MAP7D2: variants seen among roughly 807,000 people sequenced by gnomAD.
MAP7D2 encodes MAP7 domain containing 2, also known as MAP7 domain-containing protein 2.
Under a neutral mutation model 63.5 loss-of-function variants are expected in MAP7D2, and 33 were observed. That is an observed-to-expected ratio of 0.52 (90% CI 0.39 to 0.70). The LOEUF is 0.70. Ranked by LOEUF, MAP7D2 falls within the 30% of genes least tolerant of loss-of-function variation. The probability of loss-of-function intolerance (pLI) is 0.00; values close to 1 mark genes in which losing one functional copy is unlikely to be tolerated. For missense variants in MAP7D2, 626 were observed against 604.0 expected (o/e 1.04, Z -0.38); for synonymous variants, 224 against 223.7 (o/e 1.00, Z -0.01).
intron 1 of MAP7D2, among the ~76,000 whole-genome samples, chrX:20,101,291 G>A (rs192696635): frequency 3.1e-3 from 348 of 112,326 alleles, no homozygotes; most frequent in Non-Finnish European, 5.1e-3. Flanking sequence ...ATCACAGAAT[G>A]GAACCTGTGT....
chrX:20,010,148 C>A (rs2073140779), intron 16 of MAP7D2, among the ~76,000 whole-genome samples: 1 of 112,108 alleles, frequency 8.9e-6, no homozygotes, highest in Admixed American at 9.5e-5. Context: ...ACTAAGTATA[C>A]CTTACTACAG....
At chrX:20,045,012 T>A (rs1335139668) in intron 6 of MAP7D2, among the ~76,000 whole-genome samples, 1 of 111,005 alleles carries the variant, frequency 9.0e-6, no homozygotes, top group Non-Finnish European at 1.9e-5. Context: ...CTTGTGGGAG[T>A]GTGGAATCTG....
At chrX:20,073,679 G>A (rs758730807) in intron 1 of MAP7D2, among the ~76,000 whole-genome samples, 16 of 106,831 alleles carry the variant, frequency 1.5e-4, no homozygotes, top group East Asian at 6.0e-4. Flanking sequence ...ACAGATGCCC[G>A]CCACCACGCC....
intron 6 of MAP7D2, among the ~76,000 whole-genome samples, chrX:20,047,386 T>G (rs1426307903): frequency 8.9e-6 from 1 of 112,048 alleles, no homozygotes; most frequent in Admixed American, 9.5e-5. Flanking sequence ...TGACACGGCG[T>G]CAGGCCTGGA....
chrX:20,030,918 C>T, intron 8 of MAP7D2, among the ~76,000 whole-genome samples: 1 of 111,988 alleles, frequency 8.9e-6, no homozygotes, highest in East Asian at 2.8e-4. Flanking sequence ...AAGAACACAA[C>T]CTGAATGCAA....
intron 1 of MAP7D2, among the ~76,000 whole-genome samples, chrX:20,094,898 C>T (rs2066215137): frequency 9.2e-6 from 1 of 108,443 alleles, no homozygotes; most frequent in Admixed American, 1.0e-4. Context: ...TGAAAGCTCC[C>T]TTCCTTGCAC....
At chrX:20,110,642 G>A (rs2148573626) in intron 1 of MAP7D2, among the ~76,000 whole-genome samples, 1 of 93,253 alleles carries the variant, frequency 1.1e-5, no homozygotes, top group African/African-American at 4.1e-5. Flanking sequence ...CAGCCTGGGT[G>A]ACAAAGTGAG....
intron 8 of MAP7D2, among the ~76,000 whole-genome samples, chrX:20,037,497 G>C (rs1198608403): frequency 1.8e-5 from 2 of 111,686 alleles, no homozygotes; most frequent in African/African-American, 6.5e-5. Context: ...GATGGCTGTG[G>C]ATGATATGCA....
At chrX:20,096,116 A>G (rs1206785111) in intron 1 of MAP7D2, among the ~76,000 whole-genome samples, 2 of 106,237 alleles carry the variant, frequency 1.9e-5, no homozygotes, top group African/African-American at 3.4e-5. Context: ...AGGAAAAAAG[A>G]AAAAAAGAAA....
intron 10 of MAP7D2, 43 bp from the exon 11 acceptor site, chrX:20,016,368 A>G: frequency 2.7e-6 from 3 of 1,114,910 alleles, no homozygotes; most frequent in Non-Finnish European, 3.7e-6. Flanking sequence ...CATGCTCGAA[A>G]AGCAAACTGC....
chrX:20,030,911 AAC>A (rs1361631890), intron 8 of MAP7D2, among the ~76,000 whole-genome samples: 1 of 112,043 alleles, frequency 8.9e-6, no homozygotes, highest in African/African-American at 3.2e-5. Context: ...CTGCCCAAAG[AAC>A]ACAACCTGAA....
intron 1 of MAP7D2, among the ~76,000 whole-genome samples, chrX:20,102,516 T>C (rs2066460563): frequency 9.0e-6 from 1 of 111,121 alleles, no homozygotes; most frequent in Admixed American, 9.6e-5. Context: ...CATTCCAACA[T>C]GCCTGAAAAC....
At chrX:20,009,124 A>G (rs35444754) in intron 16 of MAP7D2, among the ~76,000 whole-genome samples, 5,512 of 111,487 alleles carry the variant, frequency 0.049, 159 homozygotes, top group Non-Finnish European at 0.08. Context: ...TCTAAAAGTG[A>G]CCCACCACAC....
chrX:20,047,367 C>T (rs1377154028), intron 6 of MAP7D2, among the ~76,000 whole-genome samples: 1 of 112,055 alleles, frequency 8.9e-6, no homozygotes, highest in African/African-American at 3.2e-5. Context: ...GTGCGTGCCA[C>T]GATTATCATG....
At position 20,033,854 on chromosome X, in the gene MAP7D2, C is replaced by A. The variant is rs1256512988; in HGVS notation, c.1008-7902G>T. On this transcript the variant is annotated intron_variant, in intron 8 of 16. Transcript: ENST00000379643. ...TTGTGTGTGGCATCATTCTAAAAAT[C>A]AAGTAAGTCTTTTTTATTATGTTTT... Among the ~76,000 whole-genome samples, 4 of 112,010 alleles carry A rather than the reference C, an allele frequency of 3.6e-5. No homozygotes were observed. The South Asian group carries it at 1.5e-3, about 41-fold the overall frequency.
In MAP7D2 at chrX:20,116,594, G is replaced by C. The variant is rs918396269; in HGVS notation, c.130+156C>G. The C allele has an allele frequency of 1.4e-4, 139 of 973,456 alleles. 1 individual carries two copies. In the Middle Eastern group the frequency reaches 3.4e-3, roughly 24 times the overall value. 80.2% of individuals were successfully genotyped at this position (973,456 alleles called of 1,213,427 possible). On this transcript the variant is annotated intron_variant, in intron 1 of 16. Transcript: ENST00000379643. ...AGAGGGGTGCGGCCCTTGGATGCAC[G>C]TCCGGACGATCCTGGGCCAGGGAAA...
Position 20,012,365 on chromosome X carries a change from G to C in MAP7D2, c.2056C>G (p.Gln686Glu). Residue 686 changes from glutamine (Q) to glutamate (E), a missense_variant, in exon 15 of 17, where the codon CAG becomes GAG. Transcript: ENST00000379643. Reference sequence around the variant, plus strand: ...TGAATATACCTCACATCCATAGACTGAACTTCTTCAGTTGAATCATCCAGG... The same window carrying C: ...TGAATATACCTCACATCCATAGACTCAACTTCTTCAGTTGAATCATCCAGG... Reference protein sequence around the residue: ...NSLDDSTEEVQSMDVSPVSKE... With the variant: ...NSLDDSTEEVESMDVSPVSKE... 1 of 1,202,295 alleles carries C rather than the reference G, an allele frequency of 8.3e-7. No individual in the cohort carries two copies. The highest frequency in any genetic ancestry group is 1.1e-6 in the Non-Finnish European group (1 of 890,564).
chrX:20,052,060 G>A (rs2064964966), intron 5 of MAP7D2, among the ~76,000 whole-genome samples: 1 of 112,059 alleles, frequency 8.9e-6, no homozygotes, highest in Non-Finnish European at 1.9e-5. Flanking sequence ...GAAACAACCA[G>A]GAAGGCACAC....
intron 1 of MAP7D2, among the ~76,000 whole-genome samples, chrX:20,115,142 G>A (rs1233731767): frequency 9.3e-6 from 1 of 107,584 alleles, no homozygotes; most frequent in Non-Finnish European, 1.9e-5. Context: ...AATATCAGAA[G>A]AGTGCATTAA....
Sources: allele counts gnomAD v4.1 joint callset (sites outside exome capture counted in the v4.1 genomes callset), GRCh38; gene constraint gnomAD v4.1.1; transcripts MANE v1.5; gene names NCBI Gene and HGNC (gene_info 2026-07-23, HGNC 2026-07-21).